The following SUPT7L variants were observed in gnomAD, a reference collection of about 807,000 sequenced individuals.
SUPT7L encodes SPT7 like, STAGA complex subunit gamma, also known as STAGA complex 65 subunit gamma.
In SUPT7L, 15 loss-of-function variants were observed where a neutral mutation model predicts 35.7. That is an observed-to-expected ratio of 0.42 (90% CI 0.28 to 0.65). The LOEUF is 0.65. Ranked by LOEUF, SUPT7L falls within the 30% of genes least tolerant of loss-of-function variation. The probability of loss-of-function intolerance (pLI) is 0.23; values close to 1 mark genes in which losing one functional copy is unlikely to be tolerated. For missense variants in SUPT7L, 434 were observed against 522.2 expected (o/e 0.83, Z 1.65); for synonymous variants, 168 against 186.2 (o/e 0.90, Z 0.79).
rs770868932 is a variant in SUPT7L, at chr2:27,655,451, T to C, written c.896A>G (p.Asp299Gly). The change falls in exon 5 of 6, where the codon GAC (aspartate) becomes GGC (glycine). Residue 299 changes from aspartate to glycine, a missense_variant. Physicochemically the swap from Asp to Gly is moderately conservative, Grantham distance 94. Coordinates refer to ENST00000337768, the MANE Select transcript of SUPT7L (RefSeq NM_014860.3). ...EELEADLASG[D>G]QSLPMGVLGA... ...AAGCACTCCCATAGGCAGTGACTGGTCTCCAGAAGCAAGGTCAGCCTCCAG... is the reference window on the plus strand; with the variant it reads ...AAGCACTCCCATAGGCAGTGACTGGCCTCCAGAAGCAAGGTCAGCCTCCAG... 1 of 1,614,104 alleles carries C rather than the reference T, an allele frequency of 6.2e-7. No homozygotes were observed.
chr2:27,643,252 TAATACA>T, the SUPT7L span, among the ~76,000 whole-genome samples: 1 of 151,406 alleles, frequency 6.6e-6, no homozygotes, highest in Admixed American at 6.6e-5. The surrounding 1 kb of genome is among the most constrained non-coding windows in gnomAD (Gnocchi z 4.0). Flanking sequence ...GTTACATGAA[TAATACA>T]AATAATTGCC....
At chr2:27,653,898 C>T (rs1674675497) in intron 5 of SUPT7L, 151 bp from the exon 6 acceptor site, 1 of 1,040,500 alleles carries the variant, frequency 9.6e-7, no homozygotes, top group Non-Finnish European at 1.4e-6. Flanking sequence ...ATGGTTGTTA[C>T]TCTCTGCTTC....
chr2:27,645,992 A>C (rs1180921351), downstream of SUPT7L, among the ~76,000 whole-genome samples: 1 of 151,966 alleles, frequency 6.6e-6, no homozygotes, highest in Non-Finnish European at 1.5e-5. Flanking sequence ...AGCCACCCAA[A>C]GTACTGGGAT....
intron 5 of SUPT7L, among the ~76,000 whole-genome samples, chr2:27,655,003 T>A (rs1034400535): frequency 1.3e-5 from 2 of 152,130 alleles, no homozygotes; most frequent in African/African-American, 4.8e-5. Context: ...AGTACAAGCA[T>A]CAGGAAGGAC....
Position 27,662,382 on chromosome 2 carries a change from A to C in SUPT7L, c.-89-101T>G, listed in dbSNP as rs1006494036. On this transcript the variant is annotated intron_variant, in intron 1 of 5. Coordinates refer to ENST00000337768, the MANE Select transcript of SUPT7L (RefSeq NM_014860.3). The stretch of plus-strand genomic sequence containing the variant: ...ACCTGGGGTACTGGAAGCACAAAGG[A>C]GGAGCTTCCTGGGTGAAATGACTAC... The C allele has an allele frequency of 5.2e-6, 3 of 582,474 alleles. No individual in the cohort carries two copies. The African/African-American group carries it at 5.6e-5, about 11-fold the overall frequency. The allele number at this position is 582,474 out of a possible 1,614,324, so 36.1% of individuals were successfully genotyped here. A position where few individuals can be genotyped will look rare whatever the true frequency, so the allele number is the denominator to read the frequency against.
chr2:27,647,910 G>A, downstream of SUPT7L: 1 of 1,612,850 alleles, frequency 6.2e-7, no homozygotes, highest in Non-Finnish European at 8.5e-7. Context: ...GGATGAGGAA[G>A]CAGACAGCGA....
In SUPT7L at chr2:27,651,276, T is replaced by TA. The variant is rs1674533859; in HGVS notation, c.*2208dup. 1 of 152,234 alleles carries TA rather than the reference T, an allele frequency of 6.6e-6. No homozygotes were observed. Among genetic ancestry groups the TA allele is most frequent in the African/African-American group, 2.4e-5 (1 of 41,452 alleles). 9.4% of individuals were successfully genotyped at this position (152,234 alleles called of 1,614,324 possible). ...GCATCATCTGGGGAATTGTTCAACT[T>TA]ACCTCTTATAACCTATGAACTCAGA... On this transcript the variant is annotated 3_prime_UTR_variant, in exon 6 of 6. Coordinates refer to ENST00000337768, the MANE Select transcript of SUPT7L (RefSeq NM_014860.3).
At chr2:27,645,405 G>A in the SUPT7L span, among the ~76,000 whole-genome samples, 1 of 152,062 alleles carries the variant, frequency 6.6e-6, no homozygotes. Context: ...TTATTTGGCT[G>A]TCCTTACATG....
downstream of SUPT7L, among the ~76,000 whole-genome samples, chr2:27,648,263 T>C (rs140250855): frequency 3.4e-4 from 52 of 152,336 alleles, no homozygotes; most frequent in African/African-American, 1.2e-3. Context: ...CTCATGCCTG[T>C]AATCCCACTG....
Position 27,653,211 on chromosome 2 carries a change from T to TA in SUPT7L, c.*273dup, listed in dbSNP as rs1449489871. 8.8e-6 allele frequency: 4 copies of TA among 455,184 alleles called. No individual in the cohort carries two copies. The highest frequency in any genetic ancestry group is 1.6e-5 in the Non-Finnish European group (4 of 250,294). 28.2% of individuals were successfully genotyped at this position (455,184 alleles called of 1,614,324 possible). A position where few individuals can be genotyped will look rare whatever the true frequency, so the allele number is the denominator to read the frequency against. On this transcript the variant is annotated 3_prime_UTR_variant, in exon 6 of 6. Transcript: ENST00000337768. ...GCTGTATAACATGTCTAGTCATAGTTAAGACAACAATTGGGGACAGTGCTT... is the reference window on the plus strand; with the variant it reads ...GCTGTATAACATGTCTAGTCATAGTTAAAGACAACAATTGGGGACAGTGCTT...
intron 5 of SUPT7L, among the ~76,000 whole-genome samples, chr2:27,654,152 G>C (rs1281442404): frequency 6.6e-6 from 1 of 152,070 alleles, no homozygotes; most frequent in East Asian, 1.9e-4. Flanking sequence ...CCTGCCTTTT[G>C]TTTGGGTCTC....
chr2:27,659,388 A>G (rs758041472), intron 3 of SUPT7L, among the ~76,000 whole-genome samples: 11 of 152,224 alleles, frequency 7.2e-5, no homozygotes, highest in Non-Finnish European at 2.9e-5. Flanking sequence ...CTTCTGTAGT[A>G]TTCTTGCCGA....
the SUPT7L span, among the ~76,000 whole-genome samples, chr2:27,644,631 A>AT: frequency 6.6e-6 from 1 of 150,614 alleles, no homozygotes; most frequent in Admixed American, 6.6e-5. Context: ...TATAAGGTAT[A>AT]TAAGTCGGTG....
Position 27,657,584 on chromosome 2 carries a change from C to T in SUPT7L, c.505G>A (p.Ala169Thr), listed in dbSNP as rs1558499755. Residue 169 changes from alanine (A) to threonine (T), a missense_variant, in exon 4 of 6, where the codon GCG becomes ACG. By Grantham distance (58) the Ala-to-Thr change is moderately conservative (BLOSUM62 0). Coordinates refer to ENST00000337768, the MANE Select transcript of SUPT7L (RefSeq NM_014860.3). This position sits in a 1 kb window ranked among gnomAD's most constrained non-coding sequence, Gnocchi z 5.2. ...CTCTCATTAGCACAGTCAAAGCCCGCGTGGGCCAGGATTGTGGCCACTGCC... is the reference window on the plus strand; with the variant it reads ...CTCTCATTAGCACAGTCAAAGCCCGTGTGGGCCAGGATTGTGGCCACTGCC... ...YQAVATILAHAGFDCANESVL... is the reference protein window; with the variant it reads ...YQAVATILAHTGFDCANESVL... 7 of 1,614,118 alleles carry T rather than the reference C, an allele frequency of 4.3e-6. No homozygotes were observed. Among genetic ancestry groups the T allele is most frequent in the South Asian group, 2.2e-5 (2 of 91,092 alleles).
chr2:27,643,781 A>G, the SUPT7L span, among the ~76,000 whole-genome samples: 5 of 152,224 alleles, frequency 3.3e-5, no homozygotes, highest in Non-Finnish European at 1.5e-5. This position sits in a 1 kb window ranked among gnomAD's most constrained non-coding sequence, Gnocchi z 4.0. Context: ...TGTTTTTTCA[A>G]GGAATCACAT....
At chr2:27,650,506 T>C (rs1674476155), downstream of SUPT7L, 1 of 179,782 alleles carries the variant, frequency 5.6e-6, no homozygotes, top group African/African-American at 2.4e-5. Context: ...TCAAGTACTT[T>C]TGCTGCTGAG....
chr2:27,660,474 G>A (rs946165640), intron 3 of SUPT7L, among the ~76,000 whole-genome samples: 7 of 152,090 alleles, frequency 4.6e-5, no homozygotes, highest in Non-Finnish European at 8.8e-5. Flanking sequence ...TCCACCCACC[G>A]TGGCTTCCCA....
rs760713250 is a variant in SUPT7L at position 27,660,974 on chromosome 2, C to T, written c.419+10G>A. 1 of 1,610,620 alleles carries T rather than the reference C, an allele frequency of 6.2e-7. No individual in the cohort carries two copies. Among genetic ancestry groups the T allele is most frequent in the African/African-American group, 1.3e-5 (1 of 74,954 alleles). ...TGAGAAAAGTAAGATACAGCAAAGC[C>T]TTGCCTTACCGATAAAAGTCACTCT... On this transcript the variant is annotated intron_variant, in intron 3 of 5. Transcript: ENST00000337768.
At chr2:27,658,757 C>T (rs1050931666) in intron 3 of SUPT7L, among the ~76,000 whole-genome samples, 4 of 152,040 alleles carry the variant, frequency 2.6e-5, no homozygotes, top group African/African-American at 4.8e-5. Flanking sequence ...TTTTCATTTA[C>T]TATCTTCATC....
Sources: gnomAD v4.1 joint callset for allele counts (sites outside exome capture counted in the v4.1 genomes callset) on GRCh38, gnomAD v4.1.1 for gene constraint, Gnocchi (gnomAD v3.1) non-coding constraint, MANE v1.5 for transcripts, NCBI Gene and HGNC (gene_info 2026-07-23, HGNC 2026-07-21) for gene names.